The following CEP128 variants were observed in gnomAD, a reference collection of about 807,000 sequenced individuals.
CEP128 encodes the protein centrosomal protein 128kDa.
Under a neutral mutation model 156.7 loss-of-function variants are expected in CEP128, and 132 were observed. The ratio of observed to expected loss-of-function variants is 0.84; its 90% CI spans 0.73 to 0.97. The LOEUF (loss-of-function observed/expected upper bound fraction) is 0.97, where lower values mean the gene tolerates loss of function less well. Among genes scored for constraint, CEP128 ranks in the 50% least tolerant of loss-of-function variants. The pLI is 0.00. For synonymous variants in CEP128, 469 were observed against 448.9 expected, an observed-to-expected ratio of 1.04 and a Z score of -0.57; for missense variants, 1,252 against 1,281.9, an observed-to-expected ratio of 0.98 and a Z score of 0.36.
At chr14:80,609,831 TAA>T in intron 19 of CEP128, among the ~76,000 whole-genome samples, 1 of 151,348 alleles carries the variant, frequency 6.6e-6, no homozygotes, top group Admixed American at 6.6e-5. Flanking sequence ...TCTTTTTTTT[TAA>T]AATTATATAT....
chr14:80,751,554 T>C (rs1384565351), intron 18 of CEP128, among the ~76,000 whole-genome samples: 1 of 151,882 alleles, frequency 6.6e-6, no homozygotes, highest in Non-Finnish European at 1.5e-5. Flanking sequence ...ACAGATTACA[T>C]AATAGGATCA....
chr14:80,598,279 G>A (rs957869967), intron 19 of CEP128, among the ~76,000 whole-genome samples: 5 of 151,880 alleles, frequency 3.3e-5, no homozygotes, highest in Admixed American at 2.0e-4. Context: ...CAAAATACAA[G>A]ATAAATATAC....
At chr14:80,685,609 T>A (rs1290994588) in intron 19 of CEP128, among the ~76,000 whole-genome samples, 4 of 151,834 alleles carry the variant, frequency 2.6e-5, no homozygotes, top group Non-Finnish European at 5.9e-5. Context: ...ATAAAAAAAA[T>A]TCTAAAACGC....
chr14:80,856,869 T>A (rs1887202796), intron 9 of CEP128, among the ~76,000 whole-genome samples: 2 of 151,556 alleles, frequency 1.3e-5, no homozygotes. Flanking sequence ...TGGCTGGGAT[T>A]ACAGGTGTGC....
At chr14:80,911,188 G>A (rs1884191652) in intron 4 of CEP128, among the ~76,000 whole-genome samples, 1 of 152,156 alleles carries the variant, frequency 6.6e-6, no homozygotes. Context: ...GCAAATAACA[G>A]AAGTGATCAT....
At chr14:80,586,831 GAC>G (rs1238923542) in intron 19 of CEP128, among the ~76,000 whole-genome samples, 29 of 152,212 alleles carry the variant, frequency 1.9e-4, no homozygotes, top group Non-Finnish European at 3.5e-4. Flanking sequence ...TTCAATGAAT[GAC>G]AGTTTCTCAG....
chr14:80,935,665 A>AAAC (rs1159587238), intron 2 of CEP128, among the ~76,000 whole-genome samples: 1 of 147,168 alleles, frequency 6.8e-6, no homozygotes, highest in East Asian at 1.9e-4. Flanking sequence ...AAAAAAAAAA[A>AAAC]AAACAGAACA....
intron 19 of CEP128, among the ~76,000 whole-genome samples, chr14:80,599,092 T>C (rs1892467007): frequency 6.6e-6 from 1 of 152,144 alleles, no homozygotes; most frequent in African/African-American, 2.4e-5. Context: ...TTCATGTGAA[T>C]CTAACAATAA....
chr14:80,588,048 CA>C (rs1262326676), intron 19 of CEP128, among the ~76,000 whole-genome samples: 1 of 152,088 alleles, frequency 6.6e-6, no homozygotes, highest in African/African-American at 2.4e-5. Flanking sequence ...ACAGAAGCTA[CA>C]AAAGTTTGTG....
intron 18 of CEP128, among the ~76,000 whole-genome samples, chr14:80,746,193 G>C (rs993976041): frequency 5.3e-5 from 8 of 152,126 alleles, no homozygotes; most frequent in Admixed American, 3.3e-4. Context: ...ATCCCTTTCA[G>C]AATCCCATCT....
rs561058967 is a variant in CEP128 at position 80,673,928 on chromosome 14, G to C, written c.2806+69147C>G. On this transcript the variant is annotated intron_variant, in intron 19 of 24. Coordinates refer to ENST00000555265, the MANE Select transcript of CEP128 (RefSeq NM_152446.5). ...ATTTTGAATCATTGGTCCTTTATAGGAAATTGTACCTCTGATTGGCAAATT... is the reference window on the plus strand; with the variant it reads ...ATTTTGAATCATTGGTCCTTTATAGCAAATTGTACCTCTGATTGGCAAATT... 4.9e-4 allele frequency among the ~76,000 whole-genome samples: 75 copies of C among 152,002 alleles called. 1 individual carries two copies. Among genetic ancestry groups the C allele is most frequent in the Middle Eastern group, 3.4e-3 (1 of 294 alleles).
At chr14:80,697,819 G>A (rs1896940422) in intron 19 of CEP128, among the ~76,000 whole-genome samples, 1 of 151,974 alleles carries the variant, frequency 6.6e-6, no homozygotes, top group African/African-American at 2.4e-5. Context: ...TAAGCCAAAT[G>A]CTGAAAACCA....
At chr14:80,490,370 G>GA (rs1466685017), downstream of CEP128, 8 of 152,130 alleles carry the variant, frequency 5.3e-5, no homozygotes, top group African/African-American at 1.7e-4. Context: ...GTATAGAGAA[G>GA]AAAAAATGAA....
intron 19 of CEP128, among the ~76,000 whole-genome samples, chr14:80,679,987 C>T (rs749604599): frequency 2.6e-5 from 4 of 152,142 alleles, no homozygotes; most frequent in Non-Finnish European, 4.4e-5. Context: ...TGGGTTCCCC[C>T]GATAGGTCCA....
chr14:80,827,514 C>T (rs181233298), intron 13 of CEP128, among the ~76,000 whole-genome samples: 4 of 152,240 alleles, frequency 2.6e-5, no homozygotes, highest in African/African-American at 9.6e-5. Flanking sequence ...TAAGACTGAG[C>T]ATCAGAGCGA....
intron 14 of CEP128, among the ~76,000 whole-genome samples, chr14:80,788,598 T>A (rs978406988): frequency 7.9e-5 from 12 of 152,098 alleles, no homozygotes; most frequent in Admixed American, 6.6e-5. Flanking sequence ...ACCAGTCACT[T>A]AATACTATCC....
chr14:80,648,126 T>C (rs1894740745), intron 19 of CEP128, among the ~76,000 whole-genome samples: 1 of 151,990 alleles, frequency 6.6e-6, no homozygotes, highest in South Asian at 2.1e-4. Flanking sequence ...ATCTCAAAAA[T>C]CAGCAGCAAC....
At chr14:80,929,537 G>A (rs1297142755) in intron 2 of CEP128, among the ~76,000 whole-genome samples, 1 of 152,164 alleles carries the variant, frequency 6.6e-6, no homozygotes, top group East Asian at 1.9e-4. Context: ...ATACTACTCA[G>A]CCATAAAGAA....
In CEP128 at chr14:80,617,217, A is replaced by ACCTTTTTTTTTTTTTTT. The variant is rs1491470595; in HGVS notation, c.2807-36795_2807-36794insAAAAAAAAAAAAAAAGG. 7.0e-5 allele frequency among the ~76,000 whole-genome samples: 3 copies of ACCTTTTTTTTTTTTTTT among 43,138 alleles called. 1 individual carries two copies. Among genetic ancestry groups the ACCTTTTTTTTTTTTTTT allele is most frequent in the African/African-American group, 7.1e-5 (1 of 14,016 alleles). 28.3% of individuals were successfully genotyped at this position (43,138 alleles called of 152,430 possible). On this transcript the variant is annotated intron_variant, in intron 19 of 24. Coordinates refer to ENST00000555265, the MANE Select transcript of CEP128 (RefSeq NM_152446.5). ...AAATCACTTAACCTATGTGAATATC[A>ACCTTTTTTTTTTTTTTT]TCTTTTTTTTTTTTTTTTTTTTTTT...
Sources: allele counts gnomAD v4.1 joint callset (sites outside exome capture counted in the v4.1 genomes callset), GRCh38; gene constraint gnomAD v4.1.1; transcripts MANE v1.5; gene names NCBI Gene and HGNC (gene_info 2026-07-23, HGNC 2026-07-21).